EPB41L1: variants seen among roughly 807,000 people sequenced by gnomAD.
EPB41L1 encodes erythrocyte membrane protein band 4.1 like 1.
EPB41L1 carries 29 observed loss-of-function variants against 97.8 expected under a neutral mutation model. That is an observed-to-expected ratio of 0.30 (90% CI 0.22 to 0.40). EPB41L1 has a LOEUF of 0.40. EPB41L1 is among the 10% of genes least tolerant of loss of function. EPB41L1 has a pLI of 1.00. For missense variants in EPB41L1, 812 were observed against 1,162.3 expected (o/e 0.70, Z 4.38); for synonymous variants, 383 against 459.2 (o/e 0.83, Z 2.12).
intron 14 of EPB41L1, among the ~76,000 whole-genome samples, chr20:36,202,810 C>CAA (rs35492694): frequency 4.6e-4 from 21 of 45,790 alleles, no homozygotes; most frequent in African/African-American, 1.0e-3. Context: ...AACTCCGTCT[C>CAA]AAAAAAAAAA....
chr20:36,189,325 C>T (rs2146314433), intron 9 of EPB41L1, among the ~76,000 whole-genome samples: 1 of 152,246 alleles, frequency 6.6e-6, no homozygotes, highest in East Asian at 1.9e-4. Flanking sequence ...ACTCCCCCTT[C>T]CCATCCACAC....
chr20:36,157,726 G>A (rs2060366981), intron 1 of EPB41L1, among the ~76,000 whole-genome samples: 1 of 152,196 alleles, frequency 6.6e-6, no homozygotes, highest in South Asian at 2.1e-4. Flanking sequence ...ATTAGCCTTG[G>A]CCTTCTCCTT....
chr20:36,171,683 G>A (rs886270387), intron 1 of EPB41L1, among the ~76,000 whole-genome samples: 1 of 152,164 alleles, frequency 6.6e-6, no homozygotes, highest in Non-Finnish European at 1.5e-5. Flanking sequence ...TTTGGGCTGG[G>A]CTGATGTCCA....
intron 1 of EPB41L1, among the ~76,000 whole-genome samples, chr20:36,167,087 A>G (rs1161950317): frequency 6.6e-6 from 1 of 152,196 alleles, no homozygotes; most frequent in Non-Finnish European, 1.5e-5. Context: ...CCAAAAAAAC[A>G]GGGGAAAGGA....
intron 1 of EPB41L1, among the ~76,000 whole-genome samples, chr20:36,099,029 C>T (rs992591944): frequency 6.6e-6 from 1 of 152,084 alleles, no homozygotes; most frequent in African/African-American, 2.4e-5. Flanking sequence ...ATTAGCCAGG[C>T]GTGGTGGCGG....
intron 1 of EPB41L1, among the ~76,000 whole-genome samples, chr20:36,170,737 A>G (rs2060953041): frequency 6.6e-6 from 1 of 152,186 alleles, no homozygotes; most frequent in South Asian, 2.1e-4. Context: ...CGGAGGAACC[A>G]GGGAAACCTG....
intron 1 of EPB41L1, among the ~76,000 whole-genome samples, chr20:36,101,744 C>T (rs1191715992): frequency 1.3e-5 from 2 of 152,146 alleles, no homozygotes; most frequent in African/African-American, 2.4e-5. Flanking sequence ...TGCCATGGCT[C>T]ATGCCTGTAA....
At chr20:36,136,224 G>A (rs1569099901) in intron 2 of EPB41L1, among the ~76,000 whole-genome samples, 1 of 151,838 alleles carries the variant, frequency 6.6e-6, no homozygotes. Context: ...AGGCTGGAGT[G>A]CAGTGGCATG....
At chr20:36,184,804 A>G (rs1482091256) in intron 6 of EPB41L1, among the ~76,000 whole-genome samples, 1 of 152,248 alleles carries the variant, frequency 6.6e-6, no homozygotes, top group Non-Finnish European at 1.5e-5. Flanking sequence ...TTAAAACTAT[A>G]CGACATTTTG....
At position 36,222,336 on chromosome 20, in the gene EPB41L1, A is replaced by G. The variant is rs146132421; in HGVS notation, c.2579A>G (p.Lys860Arg). The change falls in exon 21 of 22, where the codon AAA (lysine) becomes AGA (arginine). Residue 860 changes from lysine to arginine, a missense_variant. This residue lies in a region of EPB41L1 where 498 missense variants were observed against 622.7 expected (regional missense o/e 0.80). Transcript: ENST00000338074. ...CAGCATCCTGATATGCTGGTAACCA[A>G]AGCTGTCGTATACAGAGAAACAGAC... is the stretch of plus-strand genomic sequence containing the variant. ...KLQHPDMLVT[K>R]AVVYRETDPS... The G allele has an allele frequency of 6.2e-7, 1 of 1,614,166 alleles. No individual in the cohort carries two copies. The highest frequency in any genetic ancestry group is 1.3e-5 in the African/African-American group (1 of 75,038).
intron 17 of EPB41L1, among the ~76,000 whole-genome samples, chr20:36,215,628 G>A (rs895215911): frequency 2.0e-5 from 3 of 152,138 alleles, no homozygotes; most frequent in Non-Finnish European, 2.9e-5. Flanking sequence ...CCTTCACCAC[G>A]TGTCATTGGG....
intron 1 of EPB41L1, among the ~76,000 whole-genome samples, chr20:36,108,549 C>G (rs2058278198): frequency 6.6e-6 from 1 of 151,864 alleles, no homozygotes; most frequent in Non-Finnish European, 1.5e-5. Flanking sequence ...AGGTGCGCAC[C>G]TGTAACCCCA....
At chr20:36,221,968 C>T (rs1249728420) in intron 20 of EPB41L1, 24 bp downstream of exon 20, 1 of 1,610,448 alleles carries the variant, frequency 6.2e-7, no homozygotes, top group Admixed American at 1.7e-5. Flanking sequence ...AACCGTTCTT[C>T]CCAGTGCCAC....
At position 36,209,683 on chromosome 20, in the gene EPB41L1, T is replaced by C; in HGVS notation, c.1864T>C (p.Phe622Leu). 1 of 1,614,196 alleles carries C rather than the reference T, an allele frequency of 6.2e-7. No individual in the cohort carries two copies. The highest frequency in any genetic ancestry group is 8.5e-7 in the Non-Finnish European group (1 of 1,180,042). Residue 622 changes from phenylalanine to leucine, a missense_variant, in exon 15 of 22, where the codon TTC becomes CTC. Physicochemically the swap from Phe to Leu is conservative, Grantham distance 22. Transcript: ENST00000338074. This position sits in a 1 kb window ranked among gnomAD's most constrained non-coding sequence, Gnocchi z 4.2. ...STSSLEAEVD[F>L]TVIGDYHGSA... ...GTCTAGCCTGGAGGCTGAGGTGGAC[T>C]TCACGGTCATTGGTGACTACCATGG... is the stretch of plus-strand genomic sequence containing the variant.
intron 8 of EPB41L1, 95 bp from the exon 9 acceptor site, chr20:36,188,252 C>A (rs1291715221): frequency 1.9e-6 from 3 of 1,550,370 alleles, no homozygotes; most frequent in Middle Eastern, 2.3e-4. Flanking sequence ...GAGCTCGTTA[C>A]AAGCAGCGCA....
rs2061909067 is a variant in EPB41L1, at chr20:36,190,662, A to G, written c.1165A>G (p.Met389Val). 5 of 1,613,694 alleles carry G rather than the reference A, an allele frequency of 3.1e-6. No individual in the cohort carries two copies. Residue 389 changes from methionine (M) to valine (V), a missense_variant, in exon 11 of 22, where the codon ATG becomes GTG. By Grantham distance (21) the Met-to-Val change is conservative (BLOSUM62 1). Coordinates refer to ENST00000338074, the MANE Select transcript of EPB41L1 (RefSeq NM_012156.2). This position sits in a 1 kb window ranked among gnomAD's most constrained non-coding sequence, Gnocchi z 5.8. ...PEPPPKGFLV[M>V]GSKFRYSGRT... ...GCCCCCACCCAAGGGCTTCCTGGTG[A>G]TGGGCTCCAAGTTCCGGTACAGTGG...
chr20:36,103,955 C>T (rs192601781), intron 1 of EPB41L1, among the ~76,000 whole-genome samples: 24 of 152,244 alleles, frequency 1.6e-4, no homozygotes, highest in African/African-American at 4.3e-4. Flanking sequence ...CTGCCCGCCT[C>T]GGCCTCCCAA....
intron 21 of EPB41L1, among the ~76,000 whole-genome samples, chr20:36,227,826 C>A (rs940520107): frequency 2.6e-5 from 4 of 152,216 alleles, no homozygotes; most frequent in African/African-American, 7.2e-5. Flanking sequence ...CTTTTCCCTT[C>A]TCTCCCTGCA....
chr20:36,171,265 C>T (rs1054471664), intron 1 of EPB41L1, among the ~76,000 whole-genome samples: 3 of 152,022 alleles, frequency 2.0e-5, no homozygotes, highest in East Asian at 1.9e-4. Flanking sequence ...CCCGGTGCAC[C>T]GGTATCATTT....
Sources: allele counts gnomAD v4.1 joint callset (sites outside exome capture counted in the v4.1 genomes callset), GRCh38; gene constraint gnomAD v4.1.1; regional missense constraint gnomAD v4.1.1; non-coding constraint Gnocchi (gnomAD v3.1); transcripts MANE v1.5; gene names NCBI Gene and HGNC (gene_info 2026-07-23, HGNC 2026-07-21).